NKAIN3: variants seen among roughly 807,000 people sequenced by gnomAD.
NKAIN3 encodes sodium/potassium-transporting ATPase subunit beta-1-interacting protein 3.
A neutral mutation model predicts 30.2 loss-of-function variants in NKAIN3; 25 were observed. That is an observed-to-expected ratio of 0.83 (90% CI 0.60 to 1.16). The LOEUF (loss-of-function observed/expected upper bound fraction) is 1.16, where lower values mean the gene tolerates loss of function less well. Ranked by LOEUF, NKAIN3 falls within the 50% of genes most tolerant of loss-of-function variation. The pLI, the probability that NKAIN3 is intolerant of heterozygous loss-of-function variation, is 0.00. For synonymous variants in NKAIN3, 91 were observed against 89.6 expected, an observed-to-expected ratio of 1.02 and a Z score of -0.09; for missense variants, 225 against 254.1, an observed-to-expected ratio of 0.89 and a Z score of 0.78.
Position 62,459,387 on chromosome 8 carries a change from G to T in NKAIN3, c.55-120152G>T, listed in dbSNP as rs1397094966. ...GATAAGGATGATTATTGTTTACTAG[G>T]CCAAGTGAACAATGATCACTACTCC... On this transcript the variant is annotated intron_variant, in intron 1 of 6. Coordinates refer to ENST00000623646, the MANE Select transcript of NKAIN3 (RefSeq NM_001304533.3). Among the ~76,000 whole-genome samples the T allele has an allele frequency of 2.6e-5, 4 of 152,258 alleles. No individual in the cohort carries two copies. The East Asian group carries it at 7.7e-4, about 29-fold the overall frequency.
chr8:62,494,123 T>C (rs1807158336), intron 1 of NKAIN3, among the ~76,000 whole-genome samples: 1 of 152,152 alleles, frequency 6.6e-6, no homozygotes, highest in Admixed American at 6.6e-5. Context: ...GAAATGTTTC[T>C]AGCTTTTTCC....
chr8:62,497,995 T>G (rs1807296778), intron 1 of NKAIN3, among the ~76,000 whole-genome samples: 1 of 152,156 alleles, frequency 6.6e-6, no homozygotes, highest in Non-Finnish European at 1.5e-5. Flanking sequence ...GTTTCTTTCT[T>G]TCTTTTTTTA....
chr8:62,840,376 C>T (rs1480745325), intron 4 of NKAIN3, among the ~76,000 whole-genome samples: 5 of 149,930 alleles, frequency 3.3e-5, no homozygotes, highest in African/African-American at 9.8e-5. Context: ...AACAGTAAAA[C>T]ATATTACCTT....
At chr8:62,921,172 T>C (rs1822265008) in intron 5 of NKAIN3, among the ~76,000 whole-genome samples, 1 of 152,128 alleles carries the variant, frequency 6.6e-6, no homozygotes, top group African/African-American at 2.4e-5. Flanking sequence ...AACTTACACA[T>C]AAAATAAGTA....
At chr8:62,962,897 A>AT (rs893899775) in intron 6 of NKAIN3, among the ~76,000 whole-genome samples, 34 of 148,582 alleles carry the variant, frequency 2.3e-4, no homozygotes, top group East Asian at 1.8e-3. Context: ...TTGTGTCTGA[A>AT]TTTTTTTTTT....
chr8:62,714,177 T>C (rs1814816365), intron 3 of NKAIN3, among the ~76,000 whole-genome samples: 1 of 152,154 alleles, frequency 6.6e-6, no homozygotes, highest in Non-Finnish European at 1.5e-5. Context: ...TTCTGATTTA[T>C]CTTAAAAAGT....
chr8:62,279,425 G>A (rs1335071497), intron 1 of NKAIN3, among the ~76,000 whole-genome samples: 2 of 152,116 alleles, frequency 1.3e-5, no homozygotes, highest in East Asian at 1.9e-4. Context: ...TGCTTTTGGT[G>A]TTTTAGACAT....
rs533306100 is a variant in NKAIN3, at chr8:62,976,536, G to T, written c.*11129G>T. On this transcript the variant is annotated 3_prime_UTR_variant, in exon 7 of 7. Coordinates refer to ENST00000623646, the MANE Select transcript of NKAIN3 (RefSeq NM_001304533.3). ...GCTTTTTTTTGCTTTCCATTTGCCT[G>T]GTAAATATCTCTCCATCCTTTTATT... Among the ~76,000 whole-genome samples, 13 of 152,124 alleles carry T rather than the reference G, an allele frequency of 8.5e-5. No individual in the cohort carries two copies. Among genetic ancestry groups the T allele is most frequent in the African/African-American group, 3.1e-4 (13 of 41,498 alleles).
intron 4 of NKAIN3, among the ~76,000 whole-genome samples, chr8:62,862,927 A>G (rs570128454): frequency 1.3e-5 from 2 of 152,324 alleles, no homozygotes; most frequent in African/African-American, 4.8e-5. Flanking sequence ...CAGGAGTGAT[A>G]AGACACAGTT....
intron 1 of NKAIN3, among the ~76,000 whole-genome samples, chr8:62,321,737 C>T (rs1318445519): frequency 6.6e-6 from 1 of 152,180 alleles, no homozygotes; most frequent in African/African-American, 2.4e-5. Context: ...CAGTCTGCCC[C>T]TACTGGGGGG....
chr8:62,287,767 C>G (rs1338862055), intron 1 of NKAIN3, among the ~76,000 whole-genome samples: 2 of 152,110 alleles, frequency 1.3e-5, no homozygotes, highest in Non-Finnish European at 2.9e-5. Flanking sequence ...AGTGCACATT[C>G]TTAACATGGT....
At chr8:62,713,242 GT>G (rs1361680055) in intron 3 of NKAIN3, among the ~76,000 whole-genome samples, 29 of 152,132 alleles carry the variant, frequency 1.9e-4, no homozygotes, top group Non-Finnish European at 1.2e-4. Context: ...CAGCTTCTTG[GT>G]TTTTATTTTT....
intron 4 of NKAIN3, among the ~76,000 whole-genome samples, chr8:62,899,781 G>A (rs1057044331): frequency 6.6e-6 from 1 of 152,080 alleles, no homozygotes; most frequent in Non-Finnish European, 1.5e-5. Context: ...AATGCTTGAA[G>A]GGATGGATAC....
intron 1 of NKAIN3, among the ~76,000 whole-genome samples, chr8:62,578,964 G>GA (rs1172350746): frequency 3.3e-5 from 5 of 151,844 alleles, no homozygotes; most frequent in Non-Finnish European, 5.9e-5. Flanking sequence ...GAATGAATAA[G>GA]ATCTGGTATT....
At chr8:62,475,399 G>T (rs1806486334) in intron 1 of NKAIN3, among the ~76,000 whole-genome samples, 1 of 152,154 alleles carries the variant, frequency 6.6e-6, no homozygotes, top group Non-Finnish European at 1.5e-5. Context: ...CCTTCTGTGA[G>T]ACTTGGCTAG....
chr8:62,636,702 T>C (rs959305765), intron 3 of NKAIN3, among the ~76,000 whole-genome samples: 29 of 152,176 alleles, frequency 1.9e-4, no homozygotes, highest in African/African-American at 7.0e-4. Context: ...GTCAGGAATT[T>C]CCTCACACAT....
chr8:62,310,267 T>C (rs553507503), intron 1 of NKAIN3, among the ~76,000 whole-genome samples: 2 of 150,566 alleles, frequency 1.3e-5, no homozygotes, highest in South Asian at 4.1e-4. Context: ...ATTGAAGTTA[T>C]TACTATAGAA....
chr8:62,417,577 A>G (rs956290430), intron 1 of NKAIN3, among the ~76,000 whole-genome samples: 14 of 152,144 alleles, frequency 9.2e-5, no homozygotes, highest in Admixed American at 9.2e-4. Context: ...GAACTAATTT[A>G]TCTTCCTACC....
At chr8:62,390,936 A>T (rs1044558143) in intron 1 of NKAIN3, among the ~76,000 whole-genome samples, 1 of 152,248 alleles carries the variant, frequency 6.6e-6, no homozygotes, top group Non-Finnish European at 1.5e-5. Flanking sequence ...CAGATGCTGG[A>T]TATTAGAACT....
Sources: gnomAD v4.1 joint callset for allele counts (sites outside exome capture counted in the v4.1 genomes callset) on GRCh38, gnomAD v4.1.1 for gene constraint, MANE v1.5 for transcripts, NCBI Gene and HGNC (gene_info 2026-07-23, HGNC 2026-07-21) for gene names.